DPP6: variants seen among roughly 807,000 people sequenced by gnomAD.
The protein encoded by DPP6 is dipeptidyl peptidase like 6.
In DPP6, 69 loss-of-function variants were observed where a neutral mutation model predicts 122.6. That is an observed-to-expected ratio of 0.56 (90% CI 0.46 to 0.69). The LOEUF is 0.69. Ranked by LOEUF, DPP6 falls within the 30% of genes least tolerant of loss-of-function variation. The pLI, the probability that DPP6 is intolerant of heterozygous loss-of-function variation, is 0.00. For synonymous variants in DPP6, 418 were observed against 433.1 expected, an observed-to-expected ratio of 0.97 and a Z score of 0.43; for missense variants, 928 against 1,116.9, an observed-to-expected ratio of 0.83 and a Z score of 2.41.
rs1418826793 is a variant in DPP6 at position 154,893,365 on chromosome 7, G to C, written c.*885G>C. 1 of 167,312 alleles carries C rather than the reference G, an allele frequency of 6.0e-6. No homozygotes were observed. The highest frequency in any genetic ancestry group is 2.5e-5 in the African/African-American group (1 of 40,494). The allele number at this position is 167,312 out of a possible 1,614,324, so 10.4% of individuals were successfully genotyped here. A position where few individuals can be genotyped will look rare whatever the true frequency, so the allele number is the denominator to read the frequency against. On this transcript the variant is annotated 3_prime_UTR_variant, in exon 26 of 26. Coordinates refer to ENST00000377770, the MANE Select transcript of DPP6 (RefSeq NM_130797.4). ...TCAGCTATGCTAGGGCTTGGCTGTA[G>C]GTGTGCACTGTCTATTTACATCCGT... is the stretch of plus-strand genomic sequence containing the variant.
chr7:154,491,638 A>C (rs1041380192), intron 3 of DPP6, among the ~76,000 whole-genome samples: 2 of 152,152 alleles, frequency 1.3e-5, no homozygotes, highest in Non-Finnish European at 2.9e-5. Flanking sequence ...ACCTTATCCC[A>C]TCGCCATCCA....
intron 1 of DPP6, among the ~76,000 whole-genome samples, chr7:154,172,336 A>G (rs1248809798): frequency 6.6e-6 from 1 of 152,212 alleles, no homozygotes; most frequent in Non-Finnish European, 1.5e-5. Flanking sequence ...ATTATTTAAG[A>G]TGAGACTCAG....
At chr7:154,832,755 T>C (rs998208731) in intron 16 of DPP6, among the ~76,000 whole-genome samples, 1 of 152,226 alleles carries the variant, frequency 6.6e-6, no homozygotes, top group Non-Finnish European at 1.5e-5. Flanking sequence ...AGTGACGTCC[T>C]AGACACAAGA....
At chr7:153,895,734 A>ATG (rs1799385947) in intron 1 of DPP6, among the ~76,000 whole-genome samples, 1 of 85,028 alleles carries the variant, frequency 1.2e-5, no homozygotes, top group Admixed American at 1.1e-4. Flanking sequence ...GCGTGCACAC[A>ATG]CACACACACA....
chr7:154,206,822 A>G (rs966979244), intron 1 of DPP6, among the ~76,000 whole-genome samples: 3 of 152,202 alleles, frequency 2.0e-5, no homozygotes, highest in Non-Finnish European at 4.4e-5. Flanking sequence ...TCACTTTGAA[A>G]TGGTTAATGC....
intron 1 of DPP6, among the ~76,000 whole-genome samples, chr7:153,975,774 A>G (rs1478026714): frequency 6.6e-6 from 1 of 152,216 alleles, no homozygotes; most frequent in Admixed American, 6.5e-5. Context: ...CAAAAGCAAT[A>G]TAGCATAGAC....
At chr7:153,863,460 C>T in the DPP6 span, among the ~76,000 whole-genome samples, 2 of 150,444 alleles carry the variant, frequency 1.3e-5, no homozygotes, top group African/African-American at 2.5e-5. Flanking sequence ...CTTTTTTCCC[C>T]TCAGTCTTTT....
the DPP6 span, among the ~76,000 whole-genome samples, chr7:153,812,188 A>G: frequency 1.3e-5 from 2 of 151,968 alleles, no homozygotes; most frequent in African/African-American, 2.4e-5. Context: ...CTTGAAGGAA[A>G]CTGGTTTACC....
chr7:153,858,402 TA>T, the DPP6 span, among the ~76,000 whole-genome samples: 1 of 152,230 alleles, frequency 6.6e-6, no homozygotes, highest in Non-Finnish European at 1.5e-5. Flanking sequence ...AGTAACGGTG[TA>T]AACACTTGTT....
At chr7:153,850,807 T>G in the DPP6 span, among the ~76,000 whole-genome samples, 1 of 152,202 alleles carries the variant, frequency 6.6e-6, no homozygotes, top group African/African-American at 2.4e-5. Context: ...ACTGCCTCCA[T>G]GATTTGGTTA....
intron 8 of DPP6, among the ~76,000 whole-genome samples, chr7:154,766,610 C>T (rs991686093): frequency 6.6e-5 from 10 of 152,184 alleles, no homozygotes; most frequent in African/African-American, 1.7e-4. Context: ...TCCTTCTAAC[C>T]GTTACATTTG....
chr7:154,868,428 T>C (rs1158039877), intron 18 of DPP6, among the ~76,000 whole-genome samples: 25 of 152,174 alleles, frequency 1.6e-4, no homozygotes, highest in Admixed American at 1.6e-3. Flanking sequence ...AAATTCCCTT[T>C]CTGTGCCATC....
intron 1 of DPP6, among the ~76,000 whole-genome samples, chr7:154,437,241 C>T (rs906872712): frequency 1.3e-5 from 2 of 152,212 alleles, no homozygotes; most frequent in Non-Finnish European, 2.9e-5. Flanking sequence ...TGTGAAAATT[C>T]TGATACTAGG....
At chr7:154,299,806 T>C (rs987945159) in intron 1 of DPP6, among the ~76,000 whole-genome samples, 2 of 152,214 alleles carry the variant, frequency 1.3e-5, no homozygotes, top group African/African-American at 4.8e-5. Flanking sequence ...TTAAATGATA[T>C]TCGAAGCAAA....
intron 1 of DPP6, among the ~76,000 whole-genome samples, chr7:154,228,246 T>A (rs1800722857): frequency 6.6e-6 from 1 of 152,208 alleles, no homozygotes; most frequent in Non-Finnish European, 1.5e-5. Flanking sequence ...AAATTGATAG[T>A]TTAAAAATTG....
chr7:153,773,639 A>G, the DPP6 span, among the ~76,000 whole-genome samples: 189 of 151,546 alleles, frequency 1.2e-3, 1 homozygote, highest in Middle Eastern at 6.8e-3. Context: ...CAAGGAATTT[A>G]AAAATAATTT....
chr7:153,791,983 C>T, the DPP6 span, among the ~76,000 whole-genome samples: 3 of 152,212 alleles, frequency 2.0e-5, no homozygotes, highest in African/African-American at 4.8e-5. Flanking sequence ...ATGTGCTCTC[C>T]ACAAACAGTG....
intron 1 of DPP6, among the ~76,000 whole-genome samples, chr7:154,181,738 T>C (rs2150748034): frequency 6.6e-6 from 1 of 151,298 alleles, no homozygotes; most frequent in South Asian, 2.1e-4. Context: ...CTCATGAAAA[T>C]GCATCTCCCT....
chr7:154,875,986 C>A lies in DPP6; in HGVS notation c.1964C>A (p.Ala655Glu). 3.7e-6 allele frequency: 6 copies of A among 1,613,586 alleles called. No individual in the cohort carries two copies. Among genetic ancestry groups the A allele is most frequent in the Non-Finnish European group, 5.1e-6 (6 of 1,179,764 alleles). Residue 655 changes from alanine (A) to glutamate (E), a missense_variant, in exon 20 of 26, where the codon GCG becomes GAG. Transcript: ENST00000377770. The surrounding 1 kb of genome is among the most constrained non-coding windows in gnomAD (Gnocchi z 4.5). ...WETVMVSSHG[A>E]VVVKCDGRGS... ...ACGGTGATGGTGAGCAGCCACGGCG[C>A]GGTGGTGGTAAAGTGTGACGGCCGT...
Sources: allele counts gnomAD v4.1 joint callset (sites outside exome capture counted in the v4.1 genomes callset), GRCh38; gene constraint gnomAD v4.1.1; non-coding constraint Gnocchi (gnomAD v3.1); transcripts MANE v1.5; gene names NCBI Gene and HGNC (gene_info 2026-07-23, HGNC 2026-07-21).